The following ADAMTS17 variants were observed in gnomAD, a reference collection of about 807,000 sequenced individuals.
The protein encoded by ADAMTS17 is A disintegrin and metalloproteinase with thrombospondin motifs 17.
ADAMTS17 carries 113 observed loss-of-function variants against 141.5 expected under a neutral mutation model. That is an observed-to-expected ratio of 0.80 (90% CI 0.69 to 0.93). The LOEUF (loss-of-function observed/expected upper bound fraction) is 0.93. Ranked by LOEUF, ADAMTS17 falls within the 40% of genes least tolerant of loss-of-function variation. The probability of loss-of-function intolerance (pLI) is 0.00; values close to 1 mark genes in which losing one functional copy is unlikely to be tolerated. For synonymous variants in ADAMTS17, 768 were observed against 630.6 expected (o/e 1.22, Z -3.27); for missense variants, 1,659 against 1,517.9 (o/e 1.09, Z -1.54).
chr15:100,274,427 T>C (rs1027594493), intron 4 of ADAMTS17, among the ~76,000 whole-genome samples: 1 of 152,224 alleles, frequency 6.6e-6, no homozygotes, highest in Non-Finnish European at 1.5e-5. Context: ...ACATCCCCTT[T>C]GCCTCTTGGA....
chr15:100,252,916 T>C (rs918859724), intron 7 of ADAMTS17, among the ~76,000 whole-genome samples: 4 of 152,136 alleles, frequency 2.6e-5, no homozygotes, highest in Non-Finnish European at 4.4e-5. Flanking sequence ...TAACCCAAAG[T>C]GATCATTTGA....
At chr15:100,155,716 C>T (rs77646043) in intron 8 of ADAMTS17, among the ~76,000 whole-genome samples, 9,255 of 152,254 alleles carry the variant, frequency 0.061, 341 homozygotes, top group South Asian at 0.17. Context: ...AATCACTGTG[C>T]TAACGGGAAT....
At chr15:100,195,673 C>G (rs545065499) in intron 8 of ADAMTS17, among the ~76,000 whole-genome samples, 9 of 141,406 alleles carry the variant, frequency 6.4e-5, no homozygotes, top group Non-Finnish European at 1.1e-4. Context: ...AAAAATCTGT[C>G]AATCTCACCC....
chr15:100,153,965 C>T (rs956378642), intron 9 of ADAMTS17, among the ~76,000 whole-genome samples: 4 of 152,134 alleles, frequency 2.6e-5, no homozygotes, highest in African/African-American at 7.2e-5. Context: ...CAGATCACCT[C>T]GGATCAGGAG....
At chr15:100,097,607 C>T (rs1400871515) in intron 14 of ADAMTS17, among the ~76,000 whole-genome samples, 1 of 152,264 alleles carries the variant, frequency 6.6e-6, no homozygotes, top group East Asian at 1.9e-4. Context: ...ATCCTCTGTT[C>T]ATCATGGCAG....
At chr15:100,154,397 T>C (rs993500386) in intron 9 of ADAMTS17, among the ~76,000 whole-genome samples, 2 of 152,212 alleles carry the variant, frequency 1.3e-5, no homozygotes, top group Non-Finnish European at 2.9e-5. Context: ...AGACCCAGGA[T>C]GGCACCTTTG....
rs561085131 is a variant in ADAMTS17 at position 100,327,107 on chromosome 15, TATAA to T, written c.616+3778_616+3781del. Among the ~76,000 whole-genome samples, 62 of 152,300 alleles carry T rather than the reference TATAA, an allele frequency of 4.1e-4. No individual in the cohort carries two copies. The South Asian group carries it at 5.2e-3, about 13-fold the overall frequency. Reference sequence around the variant, plus strand: ...TTGGCGATGACCTTGAGCAGTAGGGTATAAATAACTCCCACAAGCTTAGCGTTCC... The same window carrying T: ...TTGGCGATGACCTTGAGCAGTAGGGTATAACTCCCACAAGCTTAGCGTTCC... On this transcript the variant is annotated intron_variant, in intron 3 of 21. Coordinates refer to ENST00000268070, the MANE Select transcript of ADAMTS17 (RefSeq NM_139057.4).
chr15:100,251,759 A>C (rs2043162358), intron 7 of ADAMTS17, among the ~76,000 whole-genome samples: 1 of 152,222 alleles, frequency 6.6e-6, no homozygotes, highest in Non-Finnish European at 1.5e-5. Flanking sequence ...AAGCTAATTA[A>C]GGTTATGTGA....
chr15:100,278,823 G>A, intron 4 of ADAMTS17, among the ~76,000 whole-genome samples: 1 of 152,222 alleles, frequency 6.6e-6, no homozygotes, highest in East Asian at 1.9e-4. Flanking sequence ...CTGGTTAGGG[G>A]AAAGAAAGGC....
intron 3 of ADAMTS17, among the ~76,000 whole-genome samples, chr15:100,285,008 G>C (rs1216673507): frequency 2.0e-5 from 3 of 152,198 alleles, no homozygotes; most frequent in Non-Finnish European, 4.4e-5. Context: ...GTCAGGTCAG[G>C]CCTCAAGCCT....
rs1368931928 is a variant in ADAMTS17, at chr15:99,974,372, T to C, written c.*30A>G. On this transcript the variant is annotated 3_prime_UTR_variant, in exon 22 of 22. Coordinates refer to ENST00000268070, the MANE Select transcript of ADAMTS17 (RefSeq NM_139057.4). ...GGTGGGTGGGTTTCAGACCTGAGTC[T>C]GAGCTTTGAGCGACCCTTGGGACTG... The C allele has an allele frequency of 6.2e-7, 1 of 1,613,782 alleles. No individual in the cohort carries two copies. The highest frequency in any genetic ancestry group is 1.7e-5 in the Admixed American group (1 of 60,030).
intron 18 of ADAMTS17, among the ~76,000 whole-genome samples, chr15:99,999,589 G>A (rs530689399): frequency 2.0e-5 from 3 of 152,314 alleles, no homozygotes; most frequent in African/African-American, 7.2e-5. Context: ...AGAAGGGTGA[G>A]ATACCTAGGG....
chr15:100,265,092 G>A (rs965425237), intron 4 of ADAMTS17, among the ~76,000 whole-genome samples: 4 of 152,168 alleles, frequency 2.6e-5, no homozygotes, highest in Middle Eastern at 3.2e-3. Flanking sequence ...GGGCACTGAC[G>A]TCCAAGAGAG....
In ADAMTS17 at chr15:100,341,149, CG is replaced by C; in HGVS notation, c.339del (p.Ala114ArgfsTer49). 6.9e-7 allele frequency: 1 copy of C among 1,450,096 alleles called. No homozygotes were observed. The highest frequency in any genetic ancestry group is 9.0e-7 in the Non-Finnish European group (1 of 1,107,530). 89.8% of individuals were successfully genotyped at this position (1,450,096 alleles called of 1,614,324 possible). A position where few individuals can be genotyped will look rare whatever the true frequency, so the allele number is the denominator to read the frequency against. ...GCGGGGCGGCCGCGGCGCCGGGCCG[CG>C]CCCGCCTCCTCCACCTCGAAGCCTC... is the stretch of plus-strand genomic sequence containing the variant. ...LSRGFEVEEA[G>X]AARRRGRPAE... On this transcript the variant is annotated frameshift_variant, in exon 2 of 22. Transcript: ENST00000268070. LOFTEE classifies it high-confidence loss of function.
chr15:100,209,751 G>C (rs2141706817), intron 7 of ADAMTS17, among the ~76,000 whole-genome samples: 1 of 152,284 alleles, frequency 6.6e-6, no homozygotes, highest in East Asian at 1.9e-4. Context: ...ATCATCGCCA[G>C]CGTGGCAGAA....
chr15:100,256,122 A>G (rs938419393), intron 6 of ADAMTS17, among the ~76,000 whole-genome samples: 1 of 152,126 alleles, frequency 6.6e-6, no homozygotes, highest in Non-Finnish European at 1.5e-5. Flanking sequence ...TATCAGGGGC[A>G]CTCACTTTTT....
At chr15:100,214,298 A>G (rs1012923884) in intron 7 of ADAMTS17, among the ~76,000 whole-genome samples, 1 of 152,188 alleles carries the variant, frequency 6.6e-6, no homozygotes, top group East Asian at 1.9e-4. Flanking sequence ...CTCATCGCAC[A>G]TTATCTTTGC....
chr15:100,195,619 A>AG (rs2041084677), intron 8 of ADAMTS17, among the ~76,000 whole-genome samples: 1 of 149,514 alleles, frequency 6.7e-6, no homozygotes, highest in Non-Finnish European at 1.5e-5. Flanking sequence ...GTCTCAAAAA[A>AG]AAAAAAAAAA....
chr15:100,333,663 T>C lies in ADAMTS17; in HGVS notation c.451-2609A>G, dbSNP rs1596545115. Reference sequence around the variant, plus strand: ...ACTGCCCTTGCTTCTGGCCCACGACTGCGCGTGGCCCCAAAAGCTGAGCAG... The same window carrying C: ...ACTGCCCTTGCTTCTGGCCCACGACCGCGCGTGGCCCCAAAAGCTGAGCAG... On this transcript the variant is annotated intron_variant, in intron 2 of 21. Coordinates refer to ENST00000268070, the MANE Select transcript of ADAMTS17 (RefSeq NM_139057.4). Among the ~76,000 whole-genome samples, 8 of 152,336 alleles carry C rather than the reference T, an allele frequency of 5.3e-5. No homozygotes were observed. The South Asian group carries it at 1.7e-3, about 32-fold the overall frequency.
Sources: gnomAD v4.1 joint callset for allele counts (sites outside exome capture counted in the v4.1 genomes callset) on GRCh38, gnomAD v4.1.1 for gene constraint, MANE v1.5 for transcripts, NCBI Gene and HGNC (gene_info 2026-07-23, HGNC 2026-07-21) for gene names.